STXBP6: variants seen among roughly 807,000 people sequenced by gnomAD.
The protein encoded by STXBP6 is syntaxin binding protein 6, also known as syntaxin-binding protein 6.
In STXBP6, 21 loss-of-function variants were observed where a neutral mutation model predicts 26.9. That is an observed-to-expected ratio of 0.78 (90% CI 0.55 to 1.12). The LOEUF (loss-of-function observed/expected upper bound fraction) is 1.12. Among genes scored for constraint, STXBP6 ranks in the 50% most tolerant of loss-of-function variants. The pLI, the probability that STXBP6 is intolerant of heterozygous loss-of-function variation, is 0.00. For synonymous variants in STXBP6, 97 were observed against 92.6 expected (o/e 1.05, Z -0.27); for missense variants, 232 against 257.9 (o/e 0.90, Z 0.69).
chr14:24,927,673 T>C (rs889065401), intron 2 of STXBP6, among the ~76,000 whole-genome samples: 2 of 152,256 alleles, frequency 1.3e-5, no homozygotes, highest in African/African-American at 2.4e-5. Context: ...AGTCTCTCTA[T>C]GTCCTTTGTC....
intron 2 of STXBP6, among the ~76,000 whole-genome samples, chr14:24,891,672 T>C (rs1262556968): frequency 6.6e-6 from 1 of 152,256 alleles, no homozygotes; most frequent in Non-Finnish European, 1.5e-5. Context: ...ATTTCCTTTA[T>C]ATCTTAGAAA....
At chr14:24,919,456 T>C (rs921537346) in intron 2 of STXBP6, among the ~76,000 whole-genome samples, 4 of 151,874 alleles carry the variant, frequency 2.6e-5, no homozygotes, top group African/African-American at 9.7e-5. Flanking sequence ...AAAAACAAAT[T>C]TTAAGTTACC....
chr14:24,859,121 T>C (rs1293371571), intron 2 of STXBP6, among the ~76,000 whole-genome samples: 2 of 152,176 alleles, frequency 1.3e-5, no homozygotes, highest in South Asian at 2.1e-4. Context: ...GTAAGTTCCA[T>C]TGAAAGTTTG....
At chr14:24,897,920 G>T (rs1207031619) in intron 2 of STXBP6, among the ~76,000 whole-genome samples, 1 of 152,116 alleles carries the variant, frequency 6.6e-6, no homozygotes, top group Non-Finnish European at 1.5e-5. Context: ...TTGCCTCCTG[G>T]TCCCCTGAGT....
At chr14:24,963,748 T>C (rs1473194780) in intron 2 of STXBP6, among the ~76,000 whole-genome samples, 1 of 152,156 alleles carries the variant, frequency 6.6e-6, no homozygotes, top group African/African-American at 2.4e-5. Flanking sequence ...TTCACAATTT[T>C]AAGATAACCG....
intron 1 of STXBP6, among the ~76,000 whole-genome samples, chr14:24,985,919 CA>C (rs1416662038): frequency 6.6e-6 from 1 of 152,130 alleles, no homozygotes; most frequent in Admixed American, 6.5e-5. Context: ...AGGGTGATTC[CA>C]AAGTCACACA....
At chr14:24,952,162 G>T (rs1291113871) in intron 2 of STXBP6, among the ~76,000 whole-genome samples, 2 of 151,412 alleles carry the variant, frequency 1.3e-5, no homozygotes, top group Non-Finnish European at 2.9e-5. Context: ...GGGGATTCAT[G>T]ATATTATTCT....
chr14:24,866,203 A>C (rs1360216778), intron 2 of STXBP6, among the ~76,000 whole-genome samples: 1 of 152,164 alleles, frequency 6.6e-6, no homozygotes. Context: ...AGCAAGAAGG[A>C]ATCCTGCTGG....
At chr14:24,961,647 C>G (rs2073544557) in intron 2 of STXBP6, among the ~76,000 whole-genome samples, 1 of 151,918 alleles carries the variant, frequency 6.6e-6, no homozygotes, top group African/African-American at 2.4e-5. Flanking sequence ...CTCTAAAAGG[C>G]AGCAGGGTGG....
chr14:25,033,216 C>G (rs2140475549), intron 1 of STXBP6, among the ~76,000 whole-genome samples: 1 of 152,316 alleles, frequency 6.6e-6, no homozygotes, highest in African/African-American at 2.4e-5. Flanking sequence ...ACTCTGGCAT[C>G]TCCCTGTTTC....
At chr14:24,837,779 G>A (rs748228438) in intron 4 of STXBP6, among the ~76,000 whole-genome samples, 9 of 152,176 alleles carry the variant, frequency 5.9e-5, no homozygotes, top group African/African-American at 9.7e-5. Context: ...GCTCTAACAC[G>A]ACAAGCTGTA....
intron 2 of STXBP6, among the ~76,000 whole-genome samples, chr14:24,872,675 G>A (rs1020519209): frequency 2.0e-5 from 3 of 152,118 alleles, no homozygotes; most frequent in African/African-American, 4.8e-5. Context: ...GAGATGCCAC[G>A]GTCCACCCAG....
At chr14:25,011,988 T>C (rs1478451101) in intron 1 of STXBP6, among the ~76,000 whole-genome samples, 1 of 152,236 alleles carries the variant, frequency 6.6e-6, no homozygotes, top group East Asian at 1.9e-4. Flanking sequence ...GGCTGTTTTT[T>C]GTTTTTGTTT....
chr14:24,854,249 T>C lies in STXBP6; in HGVS notation c.451+1687A>G, dbSNP rs557882058. 6.6e-5 allele frequency among the ~76,000 whole-genome samples: 10 copies of C among 152,132 alleles called. 1 individual carries two copies. The East Asian group carries it at 1.4e-3, about 21-fold the overall frequency. ...CTTAGAATGAAGGAGGTAGCTCGTT[T>C]CCCTTGGAAGGACAGTGAGTGTGTG... On this transcript the variant is annotated intron_variant, in intron 4 of 5. Coordinates refer to ENST00000323944, the MANE Select transcript of STXBP6 (RefSeq NM_001394410.1).
intron 1 of STXBP6, among the ~76,000 whole-genome samples, chr14:25,043,203 G>T (rs544682770): frequency 2.0e-5 from 3 of 152,286 alleles, no homozygotes; most frequent in East Asian, 3.9e-4. Flanking sequence ...ACTGACTCAG[G>T]AGCAACTTGG....
intron 1 of STXBP6, among the ~76,000 whole-genome samples, chr14:24,978,027 G>A (rs1339341624): frequency 6.6e-6 from 1 of 152,218 alleles, no homozygotes; most frequent in African/African-American, 2.4e-5. Context: ...ACAGTGTGGA[G>A]CACACATGTA....
At position 24,974,653 on chromosome 14, in the gene STXBP6, G is replaced by T; in HGVS notation, c.154+12C>A. ...AGTTATTTTAATAATATTAATATCT[G>T]GTTCTCATTACCTGACAGGCAGATA... is the stretch of plus-strand genomic sequence containing the variant. On this transcript the variant is annotated intron_variant, in intron 2 of 5. Coordinates refer to ENST00000323944, the MANE Select transcript of STXBP6 (RefSeq NM_001394410.1). 2 of 1,542,222 alleles carry T rather than the reference G, an allele frequency of 1.3e-6. No individual in the cohort carries two copies. Among genetic ancestry groups the T allele is most frequent in the Non-Finnish European group, 1.8e-6 (2 of 1,141,788 alleles).
At chr14:24,909,807 C>G (rs1486651950) in intron 2 of STXBP6, among the ~76,000 whole-genome samples, 1 of 150,754 alleles carries the variant, frequency 6.6e-6, no homozygotes, top group Non-Finnish European at 1.5e-5. Context: ...TGAACTCTAG[C>G]CTGGGTAACA....
chr14:24,847,826 T>C (rs2069015855), intron 4 of STXBP6, among the ~76,000 whole-genome samples: 1 of 152,210 alleles, frequency 6.6e-6, no homozygotes, highest in Admixed American at 6.5e-5. Flanking sequence ...TCTGGCACAG[T>C]GTTACTTGAT....
Sources: allele counts gnomAD v4.1 joint callset (sites outside exome capture counted in the v4.1 genomes callset), GRCh38; gene constraint gnomAD v4.1.1; transcripts MANE v1.5; gene names NCBI Gene and HGNC (gene_info 2026-07-23, HGNC 2026-07-21).